Variants in MNAT1 observed in about 807,000 individuals in gnomAD.
MNAT1 encodes the protein MNAT1 component of CDK activating kinase, also known as CDK-activating kinase assembly factor MAT1.
In MNAT1, 43 loss-of-function variants were observed where a neutral mutation model predicts 42.0. The ratio of observed to expected loss-of-function variants is 1.02; its 90% CI spans 0.80 to 1.32. The LOEUF (loss-of-function observed/expected upper bound fraction) is 1.32. Among genes scored for constraint, MNAT1 ranks in the 40% most tolerant of loss-of-function variants. The pLI, the probability that MNAT1 is intolerant of heterozygous loss-of-function variation, is 0.00. For missense variants in MNAT1, 306 were observed against 350.4 expected (o/e 0.87, Z 1.01); for synonymous variants, 118 against 120.0 (o/e 0.98, Z 0.11).
At chr14:60,766,567 C>G (rs1322544101) in intron 1 of MNAT1, among the ~76,000 whole-genome samples, 1 of 151,756 alleles carries the variant, frequency 6.6e-6, no homozygotes, top group Non-Finnish European at 1.5e-5. Flanking sequence ...CAAAAATTAG[C>G]TGGGTGTGGT....
At chr14:60,848,057 A>G (rs888467484) in intron 6 of MNAT1, among the ~76,000 whole-genome samples, 5 of 152,096 alleles carry the variant, frequency 3.3e-5, no homozygotes, top group African/African-American at 1.2e-4. Context: ...AATTTGAGTT[A>G]CTGCTTGGTA....
At chr14:60,876,913 T>A (rs2034447745) in intron 6 of MNAT1, among the ~76,000 whole-genome samples, 1 of 152,078 alleles carries the variant, frequency 6.6e-6, no homozygotes, top group Non-Finnish European at 1.5e-5. Context: ...CAAATATTTC[T>A]TTGAGACCCT....
At chr14:60,836,792 CA>C (rs2033401919) in intron 6 of MNAT1, among the ~76,000 whole-genome samples, 1 of 152,208 alleles carries the variant, frequency 6.6e-6, no homozygotes, top group Non-Finnish European at 1.5e-5. Context: ...CTGCTCTCTT[CA>C]GAGCTGGCAG....
intron 1 of MNAT1, among the ~76,000 whole-genome samples, chr14:60,737,897 A>T: frequency 6.7e-6 from 1 of 148,770 alleles, no homozygotes; most frequent in East Asian, 2.0e-4. Flanking sequence ...CGCCCAGGCT[A>T]GAGTGCAGTG....
At chr14:60,963,356 A>T (rs989506181) in intron 7 of MNAT1, among the ~76,000 whole-genome samples, 1 of 152,266 alleles carries the variant, frequency 6.6e-6, no homozygotes, top group Non-Finnish European at 1.5e-5. Context: ...TTTCTCATTT[A>T]TCTTAGAATA....
chr14:60,819,036 A>T (rs570794726), intron 6 of MNAT1, among the ~76,000 whole-genome samples, 189 bp downstream of exon 6: 2 of 152,212 alleles, frequency 1.3e-5, no homozygotes, highest in Admixed American at 1.3e-4. Flanking sequence ...TTCAGAGTAT[A>T]CAACACAATT....
At chr14:60,890,511 C>G (rs1443080646) in intron 7 of MNAT1, among the ~76,000 whole-genome samples, 1 of 152,096 alleles carries the variant, frequency 6.6e-6, no homozygotes, top group South Asian at 2.1e-4. Flanking sequence ...GGTGAAGCCC[C>G]ACTATACACC....
intron 1 of MNAT1, among the ~76,000 whole-genome samples, chr14:60,744,016 A>C (rs1375293383): frequency 6.6e-6 from 1 of 151,858 alleles, no homozygotes; most frequent in African/African-American, 2.4e-5. Context: ...CTTTGAATGC[A>C]TTTTCCTTTA....
chr14:60,929,386 T>G (rs1536713), intron 7 of MNAT1, among the ~76,000 whole-genome samples: 6,917 of 151,836 alleles, frequency 0.046, 263 homozygotes, highest in African/African-American at 0.099. Context: ...AGATTTCCTC[T>G]TATGTTTTCC....
intron 7 of MNAT1, among the ~76,000 whole-genome samples, chr14:60,910,945 A>G (rs879990945): frequency 6.6e-6 from 1 of 152,134 alleles, no homozygotes; most frequent in Non-Finnish European, 1.5e-5. Flanking sequence ...CTGTGAAACC[A>G]TCTGGTCCTG....
intron 5 of MNAT1, among the ~76,000 whole-genome samples, chr14:60,814,480 T>G (rs1331263631): frequency 2.0e-5 from 3 of 150,762 alleles, no homozygotes; most frequent in East Asian, 1.9e-4. Context: ...GCTTTTGTGT[T>G]TGTGTGTGTG....
intron 6 of MNAT1, among the ~76,000 whole-genome samples, chr14:60,827,806 AT>A (rs1305036874): frequency 2.0e-5 from 3 of 152,190 alleles, no homozygotes; most frequent in African/African-American, 7.2e-5. Context: ...TTATTATGGC[AT>A]ATAATTAACT....
At chr14:60,853,774 G>A (rs1309141985) in intron 6 of MNAT1, among the ~76,000 whole-genome samples, 2 of 152,112 alleles carry the variant, frequency 1.3e-5, no homozygotes, top group South Asian at 4.1e-4. Flanking sequence ...GAATTTTGTT[G>A]AAGGCCTTTT....
chr14:60,964,509 A>T (rs927075851), intron 7 of MNAT1, among the ~76,000 whole-genome samples: 6 of 152,190 alleles, frequency 3.9e-5, no homozygotes, highest in Non-Finnish European at 5.9e-5. Flanking sequence ...AATAAGGTAT[A>T]GGTACCAAAA....
intron 1 of MNAT1, among the ~76,000 whole-genome samples, chr14:60,795,339 G>A (rs982959300): frequency 1.3e-5 from 2 of 152,100 alleles, no homozygotes; most frequent in Non-Finnish European, 2.9e-5. Flanking sequence ...GTAGGGCAGG[G>A]ATGATTGGGG....
At chr14:60,796,462 A>G (rs2032022681) in intron 2 of MNAT1, 93 bp downstream of exon 2, 1 of 1,133,556 alleles carries the variant, frequency 8.8e-7, no homozygotes, top group Non-Finnish European at 1.2e-6. Flanking sequence ...ATGTGGACAG[A>G]TTAGCAAGTA....
chr14:60,743,565 A>G (rs1896534492), intron 1 of MNAT1, among the ~76,000 whole-genome samples: 1 of 152,244 alleles, frequency 6.6e-6, no homozygotes, highest in Non-Finnish European at 1.5e-5. Flanking sequence ...CTGAGATTAC[A>G]GGCGTGAGCC....
At chr14:60,955,539 G>C (rs2036472944) in intron 7 of MNAT1, among the ~76,000 whole-genome samples, 1 of 152,098 alleles carries the variant, frequency 6.6e-6, no homozygotes, top group African/African-American at 2.4e-5. Context: ...GTGGGTGCCT[G>C]TAATCCCAGC....
intron 7 of MNAT1, among the ~76,000 whole-genome samples, chr14:60,941,189 A>G (rs905387035): frequency 9.2e-5 from 14 of 152,294 alleles, no homozygotes; most frequent in Admixed American, 5.2e-4. Flanking sequence ...ATTTAATTGT[A>G]TTACTGTTTT....
Sources: gnomAD v4.1 joint callset for allele counts (sites outside exome capture counted in the v4.1 genomes callset) on GRCh38, gnomAD v4.1.1 for gene constraint, MANE v1.5 for transcripts, NCBI Gene and HGNC (gene_info 2026-07-23, HGNC 2026-07-21) for gene names.